SSTR5: variants seen among roughly 807,000 people sequenced by gnomAD.
SSTR5 encodes somatostatin receptor 5, also known as somatostatin receptor type 5.
In SSTR5, 1 loss-of-function variant was observed where a neutral mutation model predicts 0.3. The observed-to-expected ratio is 2.98, with a 90% confidence interval of 1.06 to 14.15. The LOEUF (loss-of-function observed/expected upper bound fraction) is 14.15, where lower values mean the gene tolerates loss of function less well. SSTR5 is among the 30% of genes most tolerant of loss of function. The pLI is 0.12. For synonymous variants in SSTR5, 256 were observed against 263.1 expected, an observed-to-expected ratio of 0.97 and a Z score of 0.26; for missense variants, 516 against 543.2, an observed-to-expected ratio of 0.95 and a Z score of 0.50.
rs375313304 is a variant in SSTR5 at position 1,079,417 on chromosome 16, C to T, written c.549C>T (p.Gly183=). 1.0e-4 allele frequency: 162 copies of T among 1,599,118 alleles called. No individual in the cohort carries two copies. In the African/African-American group the frequency reaches 1.6e-3, roughly 16 times the overall value. ...PLLVFADVQE[G]GTCNASWPEP... ...TGGTGTTCGCGGACGTGCAGGAGGG[C>T]GGTACCTGCAACGCCAGCTGGCCGG... Residue 183 remains glycine, a synonymous_variant, in exon 2 of 2, where the codon GGC becomes GGT. Transcript: ENST00000689027.
rs147160220 is a variant in SSTR5 at position 1,079,579 on chromosome 16, C to T, written c.711C>T (p.Cys237=). The T allele has an allele frequency of 2.0e-5, 32 of 1,611,030 alleles. No individual in the cohort carries two copies. The African/African-American group carries it at 2.0e-4, about 10-fold the overall frequency. The change falls in exon 2 of 2, where the codon TGC becomes TGT. Residue 237 remains cysteine (C), a synonymous_variant. Coordinates refer to ENST00000689027, the MANE Select transcript of SSTR5 (RefSeq NM_001172560.3). ...GGGCGGCGGGCGTGCGCGTGGGCTG[C>T]GTGCGGCGGCGCTCGGAGCGGAAGG... ...KVRAAGVRVG[C]VRRRSERKVT...
In SSTR5 at chr16:1,080,479, G is replaced by C. The variant is rs560736165; in HGVS notation, c.*516G>C. 4.2e-4 allele frequency among the ~76,000 whole-genome samples: 64 copies of C among 152,348 alleles called. 1 individual carries two copies. Among genetic ancestry groups the C allele is most frequent in the African/African-American group, 1.4e-3 (60 of 41,592 alleles). On this transcript the variant is annotated 3_prime_UTR_variant, in exon 2 of 2. Transcript: ENST00000689027. ...TCCCTGGCCAGGGCCCCAGCCCCTC[G>C]CTTGCCCTGCACTGTGTGGACTCTG...
At position 1,079,736 on chromosome 16, in the gene SSTR5, G is replaced by A. The variant is rs1960319753; in HGVS notation, c.868G>A (p.Val290Ile). Residue 290 changes from valine (V) to isoleucine (I), a missense_variant, in exon 2 of 2, where the codon GTC (valine) becomes ATC (isoleucine). Val to Ile is a conservative substitution (Grantham distance 29, BLOSUM62 3). Coordinates refer to ENST00000689027, the MANE Select transcript of SSTR5 (RefSeq NM_001172560.3). ...CTCCGCCGGCCTCTACTTCTTCGTG[G>A]TCATCCTCTCCTACGCCAACAGCTG... is the stretch of plus-strand genomic sequence containing the variant. ...PASAGLYFFVVILSYANSCAN... is the reference protein window; with the variant it reads ...PASAGLYFFVIILSYANSCAN... The A allele has an allele frequency of 1.2e-6, 2 of 1,612,168 alleles. No individual in the cohort carries two copies. Among genetic ancestry groups the A allele is most frequent in the South Asian group, 1.1e-5 (1 of 91,078 alleles).
Position 1,079,246 on chromosome 16 carries a change from T to A in SSTR5, c.378T>A (p.Ser126Arg). The A allele has an allele frequency of 6.2e-7, 1 of 1,612,392 alleles. No homozygotes were observed. Among genetic ancestry groups the A allele is most frequent in the Non-Finnish European group, 8.5e-7 (1 of 1,179,846 alleles). ...MTLDGVNQFT[S>R]VFCLTVMSVD... ...TGGACGGCGTCAACCAGTTCACCAG[T>A]GTCTTCTGCCTGACAGTCATGAGCG... The change falls in exon 2 of 2, where the codon AGT (serine) becomes AGA (arginine). Residue 126 changes from serine (S) to arginine (R), a missense_variant. Transcript: ENST00000689027.
At chr16:1,074,017 G>A (rs1248076751) in intron 1 of SSTR5, among the ~76,000 whole-genome samples, 2 of 152,344 alleles carry the variant, frequency 1.3e-5, no homozygotes, top group East Asian at 1.9e-4. Context: ...CCTGGGGAGG[G>A]TATGTGCCCC....
Position 1,079,765 on chromosome 16 carries a change from C to T in SSTR5, c.897C>T (p.Ala299=). 6.2e-7 allele frequency: 1 copy of T among 1,612,366 alleles called. No homozygotes were observed. Among genetic ancestry groups the T allele is most frequent in the African/African-American group, 1.3e-5 (1 of 75,054 alleles). The part of the protein sequence containing the change: ...VVILSYANSC[A]NPVLYGFLSD... ...TCCTCTCCTACGCCAACAGCTGTGC[C>T]AACCCCGTCCTCTACGGCTTCCTCT... Residue 299 remains alanine, a synonymous_variant, in exon 2 of 2, where the codon GCC becomes GCT. Transcript: ENST00000689027.
Position 1,079,641 on chromosome 16 carries a change from C to T in SSTR5, c.773C>T (p.Ala258Val), listed in dbSNP as rs747219171. 7 of 1,612,008 alleles carry T rather than the reference C, an allele frequency of 4.3e-6. No individual in the cohort carries two copies. Among genetic ancestry groups the T allele is most frequent in the Middle Eastern group, 1.7e-4 (1 of 6,056 alleles). ...RMVLVVVLVF[A>V]GCWLPFFTVN... is the part of the protein sequence containing the mutation. Reference sequence around the variant, plus strand: ...GTGTTGGTGGTGGTGCTGGTGTTTGCGGGATGTTGGCTGCCCTTCTTCACC... The same window carrying T: ...GTGTTGGTGGTGGTGCTGGTGTTTGTGGGATGTTGGCTGCCCTTCTTCACC... Residue 258 changes from alanine to valine, a missense_variant, in exon 2 of 2, where the codon GCG (alanine) becomes GTG (valine). Coordinates refer to ENST00000689027, the MANE Select transcript of SSTR5 (RefSeq NM_001172560.3).
rs1438429873 is a variant in SSTR5, at chr16:1,079,680, A to G, written c.812A>G (p.Asn271Ser). 1 of 1,612,272 alleles carries G rather than the reference A, an allele frequency of 6.2e-7. No homozygotes were observed. Among genetic ancestry groups the G allele is most frequent in the Admixed American group, 1.7e-5 (1 of 59,994 alleles). Residue 271 changes from asparagine (N) to serine (S), a missense_variant, in exon 2 of 2, where the codon AAC (asparagine) becomes AGC (serine). Physicochemically the swap from Asn to Ser is conservative, Grantham distance 46. Coordinates refer to ENST00000689027, the MANE Select transcript of SSTR5 (RefSeq NM_001172560.3). ...CCCTTCTTCACCGTCAACATCGTCA[A>G]CCTGGCCGTGGCGCTGCCCCAGGAG... ...WLPFFTVNIV[N>S]LAVALPQEPA...
At position 1,079,445 on chromosome 16, in the gene SSTR5, C is replaced by A; in HGVS notation, c.577C>A (p.Pro193Thr). 6.2e-7 allele frequency: 1 copy of A among 1,605,632 alleles called. No individual in the cohort carries two copies. Among genetic ancestry groups the A allele is most frequent in the Non-Finnish European group, 8.5e-7 (1 of 1,176,612 alleles). ...TACCTGCAACGCCAGCTGGCCGGAG[C>A]CCGTGGGGCTGTGGGGCGCCGTCTT... is the stretch of plus-strand genomic sequence containing the variant. ...GGTCNASWPE[P>T]VGLWGAVFII... Residue 193 changes from proline (P) to threonine (T), a missense_variant, in exon 2 of 2, where the codon CCC becomes ACC. By Grantham distance (38) the Pro-to-Thr change is conservative. Transcript: ENST00000689027.
chr16:1,078,301 G>A (rs763844338), intron 1 of SSTR5: 56 of 158,596 alleles, frequency 3.5e-4, no homozygotes, highest in Admixed American at 8.8e-4. Context: ...TCGAGGCTGC[G>A]GTGGCGACAC....
intron 1 of SSTR5, among the ~76,000 whole-genome samples, chr16:1,074,568 G>A (rs1266028552): frequency 6.6e-6 from 1 of 152,236 alleles, no homozygotes; most frequent in Non-Finnish European, 1.5e-5. Flanking sequence ...GCGGCCTCCT[G>A]GATGCTGGGG....
In SSTR5 at chr16:1,079,248, T is replaced by C; in HGVS notation, c.380T>C (p.Val127Ala). 1.9e-6 allele frequency: 3 copies of C among 1,612,394 alleles called. No homozygotes were observed. Among genetic ancestry groups the C allele is most frequent in the Non-Finnish European group, 2.5e-6 (3 of 1,179,824 alleles). Residue 127 changes from valine to alanine, a missense_variant, in exon 2 of 2, where the codon GTC (valine) becomes GCC (alanine). By Grantham distance (64) the Val-to-Ala change is moderately conservative. Coordinates refer to ENST00000689027, the MANE Select transcript of SSTR5 (RefSeq NM_001172560.3). ...TLDGVNQFTSVFCLTVMSVDR... is the reference protein window; with the variant it reads ...TLDGVNQFTSAFCLTVMSVDR... ...GACGGCGTCAACCAGTTCACCAGTG[T>C]CTTCTGCCTGACAGTCATGAGCGTG...
At chr16:1,078,637 C>A in intron 1 of SSTR5, 1 of 608,414 alleles carries the variant, frequency 1.6e-6, no homozygotes, top group Non-Finnish European at 2.9e-6. Context: ...CCCGGGGCCA[C>A]CTGCCCGCCG....
At position 1,079,973 on chromosome 16, in the gene SSTR5, C is replaced by CG. The variant is rs1960331668; in HGVS notation, c.*16dup. On this transcript the variant is annotated 3_prime_UTR_variant, in exon 2 of 2. Transcript: ENST00000689027. Reference sequence around the variant, plus strand: ...GACCAGCAAGCTGTGAGAGTGCAGGCGGGGGGTGGGCGGCCCCGTGTCACC... The same window carrying CG: ...GACCAGCAAGCTGTGAGAGTGCAGGCGGGGGGGTGGGCGGCCCCGTGTCACC... 3 of 1,588,782 alleles carry CG rather than the reference C, an allele frequency of 1.9e-6. No individual in the cohort carries two copies. Among genetic ancestry groups the CG allele is most frequent in the Admixed American group, 1.8e-5 (1 of 56,786 alleles).
Position 1,079,974 on chromosome 16 carries a change from G to A in SSTR5, c.*11G>A, listed in dbSNP as rs779808706. On this transcript the variant is annotated 3_prime_UTR_variant, in exon 2 of 2. Transcript: ENST00000689027. ...ACCAGCAAGCTGTGAGAGTGCAGGCGGGGGGTGGGCGGCCCCGTGTCACCC... is the reference window on the plus strand; with the variant it reads ...ACCAGCAAGCTGTGAGAGTGCAGGCAGGGGGTGGGCGGCCCCGTGTCACCC... The A allele has an allele frequency of 2.0e-5, 31 of 1,586,898 alleles. No individual in the cohort carries two copies. Among genetic ancestry groups the A allele is most frequent in the Middle Eastern group, 2.0e-4 (1 of 5,068 alleles).
At position 1,080,335 on chromosome 16, in the gene SSTR5, G is replaced by A. The variant is rs751977048; in HGVS notation, c.*372G>A. Among the ~76,000 whole-genome samples the A allele has an allele frequency of 2.6e-4, 39 of 152,232 alleles. No homozygotes were observed. The highest frequency in any genetic ancestry group is 1.3e-3 in the East Asian group (7 of 5,194). The stretch of plus-strand genomic sequence containing the variant: ...GGCCAGGCGAGAGGGTCTTCCTGAC[G>A]GCGGAGCTGACCTGCCCGGCCCACC... On this transcript the variant is annotated 3_prime_UTR_variant, in exon 2 of 2. Transcript: ENST00000689027.
intron 1 of SSTR5, among the ~76,000 whole-genome samples, chr16:1,076,396 T>TGCTCCGTCC (rs1960213261): frequency 6.8e-6 from 1 of 146,036 alleles, no homozygotes; most frequent in African/African-American, 2.6e-5. Flanking sequence ...TGCTGAGGAT[T>TGCTCCGTCC]CTGCTGCACT....
chr16:1,080,966 C>G lies in SSTR5; in HGVS notation c.*1003C>G, dbSNP rs1960364028. On this transcript the variant is annotated 3_prime_UTR_variant, in exon 2 of 2. Coordinates refer to ENST00000689027, the MANE Select transcript of SSTR5 (RefSeq NM_001172560.3). The stretch of plus-strand genomic sequence containing the variant: ...GGGACAGGAGCAGAGGACGGTCATC[C>G]AGGCGCAGCGGGGAGCTGCTCCCCA... 1 of 451,722 alleles carries G rather than the reference C, an allele frequency of 2.2e-6. No individual in the cohort carries two copies. Among genetic ancestry groups the G allele is most frequent in the Middle Eastern group, 3.4e-4 (1 of 2,962 alleles). The allele number at this position is 451,722 out of a possible 1,614,324, so 28.0% of individuals were successfully genotyped here.
At chr16:1,078,784 C>T (rs1567386087) in intron 1 of SSTR5, 58 bp from the exon 2 acceptor site, 1 of 1,507,932 alleles carries the variant, frequency 6.6e-7, no homozygotes, top group Non-Finnish European at 8.9e-7. Flanking sequence ...GGAAGGAATG[C>T]CTGCATGTGC....
Sources: allele counts gnomAD v4.1 joint callset (sites outside exome capture counted in the v4.1 genomes callset), GRCh38; gene constraint gnomAD v4.1.1; transcripts MANE v1.5; gene names NCBI Gene and HGNC (gene_info 2026-07-23, HGNC 2026-07-21).